HOOK3: variants seen among roughly 807,000 people sequenced by gnomAD.
HOOK3 encodes protein Hook homolog 3.
A neutral mutation model predicts 116.3 loss-of-function variants in HOOK3; 24 were observed. That is an observed-to-expected ratio of 0.21 (90% CI 0.15 to 0.29). HOOK3 has a LOEUF of 0.29. Among genes scored for constraint, HOOK3 ranks in the 10% least tolerant of loss-of-function variants. The pLI, the probability that HOOK3 is intolerant of heterozygous loss-of-function variation, is 1.00. For synonymous variants in HOOK3, 275 were observed against 283.0 expected (o/e 0.97, Z 0.28); for missense variants, 632 against 830.2 (o/e 0.76, Z 2.93).
At chr8:42,900,379 C>T (rs1807161502) in intron 1 of HOOK3, among the ~76,000 whole-genome samples, 1 of 152,106 alleles carries the variant, frequency 6.6e-6, no homozygotes, top group African/African-American at 2.4e-5. Context: ...GACTGAAAAA[C>T]GAAGTCTACA....
intron 11 of HOOK3, among the ~76,000 whole-genome samples, chr8:42,970,285 T>C (rs540740657): frequency 6.6e-6 from 1 of 152,364 alleles, no homozygotes; most frequent in South Asian, 2.1e-4. Flanking sequence ...GTTCCCTTGG[T>C]ATATTTATCT....
chr8:43,009,432 A>T (rs1809560998), intron 18 of HOOK3, among the ~76,000 whole-genome samples: 4 of 152,002 alleles, frequency 2.6e-5, no homozygotes. Flanking sequence ...ATTTACATAT[A>T]GGGAGTATAT....
At chr8:42,961,494 A>C (rs1808533572) in intron 8 of HOOK3, among the ~76,000 whole-genome samples, 2 of 152,200 alleles carry the variant, frequency 1.3e-5, no homozygotes, top group Admixed American at 6.5e-5. Context: ...TTAAAGTTGC[A>C]GAGGTGATCA....
chr8:42,915,915 C>T (rs747450683), intron 2 of HOOK3, among the ~76,000 whole-genome samples: 1 of 152,210 alleles, frequency 6.6e-6, no homozygotes, highest in Non-Finnish European at 1.5e-5. Context: ...CCATTTCACT[C>T]AGGCTAAGAA....
intron 8 of HOOK3, among the ~76,000 whole-genome samples, chr8:42,963,734 C>T (rs906352992): frequency 3.3e-5 from 5 of 152,072 alleles, no homozygotes; most frequent in African/African-American, 9.7e-5. Context: ...TTTGCATTTC[C>T]TTGATAACTA....
intron 18 of HOOK3, among the ~76,000 whole-genome samples, chr8:43,008,855 T>C (rs1286870598): frequency 1.2e-4 from 18 of 150,384 alleles, no homozygotes; most frequent in Admixed American, 2.0e-4. Context: ...GAGACGGGGT[T>C]TCACCGTTTT....
At chr8:42,902,296 G>A (rs1807206724) in intron 1 of HOOK3, among the ~76,000 whole-genome samples, 1 of 150,770 alleles carries the variant, frequency 6.6e-6, no homozygotes, top group Non-Finnish European at 1.5e-5. Flanking sequence ...TTTTAAGACA[G>A]GGTCTCACTC....
At chr8:42,975,144 CGG>C (rs1332726667) in intron 13 of HOOK3, among the ~76,000 whole-genome samples, 1 of 152,090 alleles carries the variant, frequency 6.6e-6, no homozygotes, top group Non-Finnish European at 1.5e-5. Flanking sequence ...TGAGGGGTTG[CGG>C]GGAGGAGAGA....
At chr8:42,938,760 G>T (rs1033782603) in intron 4 of HOOK3, among the ~76,000 whole-genome samples, 1 of 151,046 alleles carries the variant, frequency 6.6e-6, no homozygotes, top group East Asian at 1.9e-4. Flanking sequence ...GGTGTTTCTC[G>T]CAGAGGGGGA....
chr8:42,912,806 G>A (rs1459971096), intron 2 of HOOK3, among the ~76,000 whole-genome samples: 1 of 152,130 alleles, frequency 6.6e-6, no homozygotes, highest in African/African-American at 2.4e-5. Context: ...TCTTGGTGTT[G>A]TACATCCTAT....
chr8:43,004,679 T>TA (rs71231881), intron 17 of HOOK3, among the ~76,000 whole-genome samples: 10,877 of 86,372 alleles, frequency 0.13, 606 homozygotes, highest in Non-Finnish European at 0.14. Flanking sequence ...AGACTCCATC[T>TA]AAAAAAAAAA....
At chr8:42,963,324 G>A (rs1563302324) in intron 8 of HOOK3, among the ~76,000 whole-genome samples, 1 of 152,182 alleles carries the variant, frequency 6.6e-6, no homozygotes, top group African/African-American at 2.4e-5. Context: ...TCTTTTGAGT[G>A]TCATGTAGGT....
intron 6 of HOOK3, 76 bp from the exon 7 acceptor site, chr8:42,957,018 A>C: frequency 1.4e-6 from 1 of 728,446 alleles, no homozygotes; most frequent in East Asian, 2.8e-5. Flanking sequence ...CTGGGTATTC[A>C]TTTTCTTATG....
intron 2 of HOOK3, among the ~76,000 whole-genome samples, chr8:42,923,488 A>G (rs1807703861): frequency 1.3e-5 from 2 of 152,248 alleles, no homozygotes; most frequent in African/African-American, 4.8e-5. Context: ...AGCCACAAAA[A>G]GGAATGAAGC....
chr8:42,960,138 A>C (rs1401080937), intron 8 of HOOK3, among the ~76,000 whole-genome samples: 1 of 152,248 alleles, frequency 6.6e-6, no homozygotes, highest in Admixed American at 6.5e-5. Flanking sequence ...TTTTATAAGC[A>C]GAATATAAGT....
At chr8:43,005,179 T>TGC (rs1352226270) in intron 17 of HOOK3, among the ~76,000 whole-genome samples, 2 of 84,878 alleles carry the variant, frequency 2.4e-5, no homozygotes, top group Non-Finnish European at 4.5e-5. Context: ...CAAAATTAAG[T>TGC]GCTCTCTCTC....
intron 15 of HOOK3, among the ~76,000 whole-genome samples, chr8:42,990,170 A>G (rs913859367): frequency 2.6e-5 from 4 of 151,028 alleles, no homozygotes; most frequent in Non-Finnish European, 5.9e-5. Context: ...TGATTTTTTA[A>G]TTTTCTGGAG....
intron 15 of HOOK3, among the ~76,000 whole-genome samples, chr8:42,997,010 G>A (rs758875315): frequency 6.8e-6 from 1 of 146,756 alleles, no homozygotes; most frequent in Admixed American, 7.0e-5. Flanking sequence ...GGGCTCAAGC[G>A]ATCCTCCTAC....
chr8:42,992,750 G>A (rs1341208399), intron 15 of HOOK3, among the ~76,000 whole-genome samples: 2 of 144,606 alleles, frequency 1.4e-5, no homozygotes, highest in African/African-American at 5.1e-5. Context: ...ACTGATTTTT[G>A]TATGTTGATT....
Sources: allele counts gnomAD v4.1 joint callset (sites outside exome capture counted in the v4.1 genomes callset), GRCh38; gene constraint gnomAD v4.1.1; transcripts MANE v1.5; gene names NCBI Gene and HGNC (gene_info 2026-07-23, HGNC 2026-07-21).